Variants in ANKRD46 observed in about 807,000 individuals in gnomAD.
ANKRD46 encodes ankyrin repeat domain-containing protein 46.
ANKRD46 carries 13 observed loss-of-function variants against 19.8 expected under a neutral mutation model. The ratio of observed to expected loss-of-function variants is 0.66; its 90% CI spans 0.43 to 1.04. ANKRD46 has a LOEUF of 1.04. Among genes scored for constraint, ANKRD46 ranks in the 50% least tolerant of loss-of-function variants. The pLI, the probability that ANKRD46 is intolerant of heterozygous loss-of-function variation, is 0.00. For missense variants in ANKRD46, 185 were observed against 274.8 expected, an observed-to-expected ratio of 0.67 and a Z score of 2.31; for synonymous variants, 91 against 106.9, an observed-to-expected ratio of 0.85 and a Z score of 0.92.
At chr8:100,513,406 C>T (rs1811579772) in intron 5 of ANKRD46, among the ~76,000 whole-genome samples, 1 of 152,184 alleles carries the variant, frequency 6.6e-6, no homozygotes, top group Non-Finnish European at 1.5e-5. Context: ...GGTACACATG[C>T]AGTACTTAAA....
Position 100,510,431 on chromosome 8 carries a change from C to T in ANKRD46, c.*146G>A. 2.8e-6 allele frequency: 2 copies of T among 710,058 alleles called. No individual in the cohort carries two copies. Among genetic ancestry groups the T allele is most frequent in the Non-Finnish European group, 2.1e-6 (1 of 468,142 alleles). 44.0% of individuals were successfully genotyped at this position (710,058 alleles called of 1,614,324 possible). On this transcript the variant is annotated 3_prime_UTR_variant, in exon 6 of 6. Coordinates refer to the ANKRD46 transcript ENST00000520552. The surrounding 1 kb of genome is among the most constrained non-coding windows in gnomAD (Gnocchi z 4.9). ...GGAGGGGACAGGTGGTAGCAGGTCCCTCTGCCTCCTAACTGCAGAGCTTTG... is the reference window on the plus strand; with the variant it reads ...GGAGGGGACAGGTGGTAGCAGGTCCTTCTGCCTCCTAACTGCAGAGCTTTG...
At chr8:100,519,313 C>G (rs1811684745), downstream of ANKRD46, among the ~76,000 whole-genome samples, 1 of 152,166 alleles carries the variant, frequency 6.6e-6, no homozygotes, top group Admixed American at 6.5e-5. Flanking sequence ...ACGGTCTCTT[C>G]TCTATGTGGT....
chr8:100,515,559 T>C (rs1811616298), intron 5 of ANKRD46, among the ~76,000 whole-genome samples: 1 of 150,810 alleles, frequency 6.6e-6, no homozygotes, highest in African/African-American at 2.4e-5. Context: ...GGCCTAACTA[T>C]GAAAGTACAC....
chr8:100,526,330 A>C (rs962324320), intron 4 of ANKRD46, among the ~76,000 whole-genome samples: 48 of 152,186 alleles, frequency 3.2e-4, no homozygotes, highest in Non-Finnish European at 1.3e-4. Flanking sequence ...AGATCCTAAA[A>C]ATATACCAAA....
rs1018784288 is a variant in ANKRD46, at chr8:100,557,267, A to G, written c.-131+2444T>C. Among the ~76,000 whole-genome samples the G allele has an allele frequency of 6.6e-6, 1 of 152,162 alleles. No individual in the cohort carries two copies. The highest frequency in any genetic ancestry group is 1.9e-4 in the East Asian group (1 of 5,200). ...CACTCAGTCTTCTCCATCTCAGTACACTGTTTAACTAAAGCCTTCCAATAG... is the reference window on the plus strand; with the variant it reads ...CACTCAGTCTTCTCCATCTCAGTACGCTGTTTAACTAAAGCCTTCCAATAG... On this transcript the variant is annotated intron_variant, in intron 1 of 4. Transcript: ENST00000335659. The surrounding 1 kb of genome is among the most constrained non-coding windows in gnomAD (Gnocchi z 5.9).
chr8:100,528,218 A>G (rs1283728004), intron 3 of ANKRD46, among the ~76,000 whole-genome samples: 1 of 152,112 alleles, frequency 6.6e-6, no homozygotes, highest in Admixed American at 6.6e-5. Context: ...TCTGGCTGCA[A>G]TCAGATGTTG....
At chr8:100,539,633 G>C (rs1812135165) in intron 1 of ANKRD46, among the ~76,000 whole-genome samples, 1 of 152,198 alleles carries the variant, frequency 6.6e-6, no homozygotes, top group Non-Finnish European at 1.5e-5. Context: ...ATGTGGCTGT[G>C]TCTAAAATTC....
intron 1 of ANKRD46, among the ~76,000 whole-genome samples, chr8:100,538,933 G>C (rs1812119687): frequency 6.6e-6 from 1 of 152,096 alleles, no homozygotes; most frequent in Admixed American, 6.6e-5. Context: ...GAATTCCTTA[G>C]CACATTAAAA....
At position 100,544,035 on chromosome 8, in the gene ANKRD46, T is replaced by A. The variant is rs1812224958; in HGVS notation, c.-130-10724A>T. On this transcript the variant is annotated intron_variant, in intron 1 of 4. Coordinates refer to ENST00000335659, the MANE Select transcript of ANKRD46 (RefSeq NM_001270377.2). This position sits in a 1 kb window ranked among gnomAD's most constrained non-coding sequence, Gnocchi z 4.4. ...CATCACTTCCATCACTTAGTTGGAC[T>A]TTGCACACTTAGAACTTAACTCCAC... is the stretch of plus-strand genomic sequence containing the variant. Among the ~76,000 whole-genome samples, 1 of 152,218 alleles carries A rather than the reference T, an allele frequency of 6.6e-6. No individual in the cohort carries two copies. The highest frequency in any genetic ancestry group is 2.4e-5 in the African/African-American group (1 of 41,460).
chr8:100,512,116 C>T (rs975768104), intron 5 of ANKRD46, among the ~76,000 whole-genome samples: 15 of 152,316 alleles, frequency 9.8e-5, no homozygotes, highest in African/African-American at 3.6e-4. Flanking sequence ...ATTGGAATAA[C>T]TTCTTTATTG....
rs1811723139 is a variant in ANKRD46, at chr8:100,521,516, C to T, written c.*1039G>A. ...ATTACCATTCATAAAGAGTTTATGA[C>T]ACCCAGTACGATACTGTCCAGCACT... On this transcript the variant is annotated 3_prime_UTR_variant, in exon 5 of 5. Transcript: ENST00000335659. 1 of 985,288 alleles carries T rather than the reference C, an allele frequency of 1.0e-6. No homozygotes were observed. The highest frequency in any genetic ancestry group is 1.7e-5 in the African/African-American group (1 of 57,232). 61.0% of individuals were successfully genotyped at this position (985,288 alleles called of 1,614,324 possible). A position where few individuals can be genotyped will look rare whatever the true frequency, so the allele number is the denominator to read the frequency against.
intron 1 of ANKRD46, among the ~76,000 whole-genome samples, chr8:100,553,205 T>C (rs1449587419): frequency 6.6e-6 from 1 of 152,216 alleles, no homozygotes; most frequent in African/African-American, 2.4e-5. Context: ...AATAAGCCTA[T>C]TGTGGGAAAA....
In ANKRD46 at chr8:100,527,804, T is replaced by C. The variant is rs377281423; in HGVS notation, c.470+41A>G. ...TGCTTGAGCCCAGGAGTTCAAGGAATGAGTAATACAGTGAGAAAAAAAAAG... is the reference window on the plus strand; with the variant it reads ...TGCTTGAGCCCAGGAGTTCAAGGAACGAGTAATACAGTGAGAAAAAAAAAG... On this transcript the variant is annotated intron_variant, in intron 4 of 4. Transcript: ENST00000335659. The surrounding 1 kb of genome is among the most constrained non-coding windows in gnomAD (Gnocchi z 4.0). 4 of 1,553,606 alleles carry C rather than the reference T, an allele frequency of 2.6e-6. No homozygotes were observed. In the African/African-American group the frequency reaches 4.1e-5, roughly 16 times the overall value.
In ANKRD46 at chr8:100,525,620, G is replaced by T. The variant is rs1811826866; in HGVS notation, c.470+2225C>A. Among the ~76,000 whole-genome samples the T allele has an allele frequency of 6.6e-6, 1 of 152,170 alleles. No individual in the cohort carries two copies. The highest frequency in any genetic ancestry group is 2.4e-5 in the African/African-American group (1 of 41,436). ...TTAGTAATATTCCATTGGATGAACA[G>T]ATGATGTTTATTCCTTCATCAGCTG... On this transcript the variant is annotated intron_variant, in intron 4 of 4. Coordinates refer to ENST00000335659, the MANE Select transcript of ANKRD46 (RefSeq NM_001270377.2). The surrounding 1 kb of genome is among the most constrained non-coding windows in gnomAD (Gnocchi z 4.4).
chr8:100,551,168 C>T, intron 1 of ANKRD46: 1 of 438,806 alleles, frequency 2.3e-6, no homozygotes, highest in South Asian at 1.9e-5. Flanking sequence ...GTCTTCTGGG[C>T]AGGAGTGGCA....
At chr8:100,513,916 A>C (rs1245838496) in intron 5 of ANKRD46, among the ~76,000 whole-genome samples, 1 of 152,210 alleles carries the variant, frequency 6.6e-6, no homozygotes, top group East Asian at 1.9e-4. Context: ...AGTGACCTAG[A>C]AACTACTTCA....
intron 1 of ANKRD46, chr8:100,556,962 T>C (rs937133380): frequency 1.8e-4 from 27 of 152,234 alleles, no homozygotes; most frequent in African/African-American, 4.8e-5. Context: ...CTTTAAATAC[T>C]ACCCTTCTGT....
chr8:100,510,419 G>A lies in ANKRD46; in HGVS notation c.*158C>T. The A allele has an allele frequency of 1.6e-6, 1 of 608,552 alleles. No individual in the cohort carries two copies. Among genetic ancestry groups the A allele is most frequent in the East Asian group, 3.0e-5 (1 of 33,588 alleles). 37.7% of individuals were successfully genotyped at this position (608,552 alleles called of 1,614,324 possible). On this transcript the variant is annotated 3_prime_UTR_variant, in exon 6 of 6. Coordinates refer to the ANKRD46 transcript ENST00000520552. This position sits in a 1 kb window ranked among gnomAD's most constrained non-coding sequence, Gnocchi z 4.9. Reference sequence around the variant, plus strand: ...CAGGACTGGAGAGGAGGGGACAGGTGGTAGCAGGTCCCTCTGCCTCCTAAC... The same window carrying A: ...CAGGACTGGAGAGGAGGGGACAGGTAGTAGCAGGTCCCTCTGCCTCCTAAC...
chr8:100,531,156 T>G (rs1811955299), intron 2 of ANKRD46, among the ~76,000 whole-genome samples: 1 of 152,190 alleles, frequency 6.6e-6, no homozygotes, highest in African/African-American at 2.4e-5. Context: ...AAAAGAAACT[T>G]CGCTAGGAAA....
Sources: allele counts gnomAD v4.1 joint callset (sites outside exome capture counted in the v4.1 genomes callset), GRCh38; gene constraint gnomAD v4.1.1; non-coding constraint Gnocchi (gnomAD v3.1); transcripts MANE v1.5; gene names NCBI Gene and HGNC (gene_info 2026-07-23, HGNC 2026-07-21).